The following TCF12 variants were observed in gnomAD, a reference collection of about 807,000 sequenced individuals.
TCF12 encodes transcription factor 12.
In TCF12, 45 loss-of-function variants were observed where a neutral mutation model predicts 86.0. The ratio of observed to expected loss-of-function variants is 0.52; its 90% CI spans 0.41 to 0.67. TCF12 has a LOEUF of 0.67. Among genes scored for constraint, TCF12 ranks in the 30% least tolerant of loss-of-function variants. The pLI, the probability that TCF12 is intolerant of heterozygous loss-of-function variation, is 0.00. For missense variants in TCF12, 881 were observed against 859.9 expected (o/e 1.02, Z -0.31); for synonymous variants, 330 against 299.6 (o/e 1.10, Z -1.05).
intron 5 of TCF12, among the ~76,000 whole-genome samples, chr15:57,099,672 T>C (rs1250490020): frequency 6.6e-6 from 1 of 152,152 alleles, no homozygotes; most frequent in Non-Finnish European, 1.5e-5. Flanking sequence ...TCGTAATCCA[T>C]TAGTGACTTT....
At chr15:56,985,673 T>C (rs1187833980) in intron 3 of TCF12, among the ~76,000 whole-genome samples, 1 of 152,200 alleles carries the variant, frequency 6.6e-6, no homozygotes, top group Non-Finnish European at 1.5e-5. Context: ...AGCTGGTCCT[T>C]AGAGTATATC....
At chr15:57,010,832 C>T (rs2141158758) in intron 3 of TCF12, among the ~76,000 whole-genome samples, 1 of 152,224 alleles carries the variant, frequency 6.6e-6, no homozygotes, top group South Asian at 2.1e-4. Context: ...GGTAAGTCCT[C>T]AGATGTTCTT....
At chr15:57,056,238 T>A (rs2068018340) in intron 3 of TCF12, among the ~76,000 whole-genome samples, 1 of 151,662 alleles carries the variant, frequency 6.6e-6, no homozygotes, top group African/African-American at 2.4e-5. Context: ...CCTCCTGGGT[T>A]CAAGCGATTT....
At chr15:57,208,617 T>TCAAGCGATCCA (rs1422085972) in intron 8 of TCF12, among the ~76,000 whole-genome samples, 2 of 151,550 alleles carry the variant, frequency 1.3e-5, no homozygotes, top group African/African-American at 4.9e-5. Context: ...ACTCCTGGAC[T>TCAAGCGATCCA]CAAGCGATCC....
chr15:56,951,635 T>A (rs1296569279), intron 3 of TCF12, among the ~76,000 whole-genome samples: 1 of 152,162 alleles, frequency 6.6e-6, no homozygotes, highest in Non-Finnish European at 1.5e-5. Context: ...TCACAAATGT[T>A]TTTTCTTATG....
At chr15:56,945,748 T>C (rs543958766) in intron 3 of TCF12, among the ~76,000 whole-genome samples, 1 of 152,328 alleles carries the variant, frequency 6.6e-6, no homozygotes, top group East Asian at 1.9e-4. Context: ...TAATTGCCAT[T>C]GTAATGGTGT....
At chr15:57,116,820 T>C (rs2050871427) in intron 5 of TCF12, among the ~76,000 whole-genome samples, 1 of 152,220 alleles carries the variant, frequency 6.6e-6, no homozygotes, top group South Asian at 2.1e-4. Flanking sequence ...TATAATTTAA[T>C]AGCTGAGAAG....
rs181198808 is a variant in TCF12 at position 57,251,815 on chromosome 15, C to T, written c.1188+392C>T. Among the ~76,000 whole-genome samples the T allele has an allele frequency of 1.0e-3, 158 of 152,178 alleles. 2 individuals are homozygous for T. The highest frequency in any genetic ancestry group is 3.5e-3 in the African/African-American group (145 of 41,514). On this transcript the variant is annotated intron_variant, in intron 14 of 20. Coordinates refer to ENST00000333725, the MANE Select transcript of TCF12 (RefSeq NM_207037.2). ...TTGTATTTTACACTTTCTCATAATA[C>T]TGTGTGTGGTTTATTACATTTCCAT...
chr15:57,119,646 A>G (rs2051091095), intron 5 of TCF12, among the ~76,000 whole-genome samples: 1 of 151,558 alleles, frequency 6.6e-6, no homozygotes, highest in Non-Finnish European at 1.5e-5. Flanking sequence ...AACAGCCCTC[A>G]CTCCATATGG....
At chr15:57,213,078 C>G (rs1394183872) in intron 8 of TCF12, among the ~76,000 whole-genome samples, 1 of 152,200 alleles carries the variant, frequency 6.6e-6, no homozygotes, top group African/African-American at 2.4e-5. Context: ...TTTAGGGACA[C>G]TTGTCATTGT....
In TCF12 at chr15:57,246,936, A is replaced by G. The variant is rs1430517998; in HGVS notation, c.1114+3386A>G. The G allele has an allele frequency of 9.5e-6, 5 of 527,316 alleles. No homozygotes were observed. The Admixed American group carries it at 9.7e-5, about 10-fold the overall frequency. 32.7% of individuals were successfully genotyped at this position (527,316 alleles called of 1,614,324 possible). Reference sequence around the variant, plus strand: ...CTCCTCGTTCTCTCTCCTGCTAAGAACTGTAGCCCTTTTCTGCTGTTTTTA... The same window carrying G: ...CTCCTCGTTCTCTCTCCTGCTAAGAGCTGTAGCCCTTTTCTGCTGTTTTTA... On this transcript the variant is annotated intron_variant, in intron 13 of 20. Coordinates refer to ENST00000333725, the MANE Select transcript of TCF12 (RefSeq NM_207037.2).
chr15:57,055,084 C>A (rs2067906087), intron 3 of TCF12, among the ~76,000 whole-genome samples: 1 of 151,920 alleles, frequency 6.6e-6, no homozygotes, highest in South Asian at 2.1e-4. Context: ...CCCTAGGATG[C>A]AGGTCTTCCT....
chr15:57,243,388 T>C (rs1031298865), intron 12 of TCF12, 84 bp from the exon 13 acceptor site: 11 of 1,240,972 alleles, frequency 8.9e-6, no homozygotes, highest in Middle Eastern at 2.4e-4. Context: ...ACAACTAGAT[T>C]ATAAAAATAA....
intron 3 of TCF12, among the ~76,000 whole-genome samples, chr15:57,002,268 A>G (rs1271737742): frequency 6.6e-6 from 1 of 152,164 alleles, no homozygotes; most frequent in African/African-American, 2.4e-5. Context: ...CCCATGAGAA[A>G]ACAAACACTT....
intron 5 of TCF12, among the ~76,000 whole-genome samples, chr15:57,143,377 G>A (rs1224074320): frequency 1.3e-5 from 2 of 152,086 alleles, no homozygotes; most frequent in African/African-American, 4.8e-5. Context: ...GTAGAGCATC[G>A]TGTCTGCTGC....
At chr15:57,222,758 ATTTTTTTTTTTTT>A (rs57645813) in intron 8 of TCF12, among the ~76,000 whole-genome samples, 7 of 45,522 alleles carry the variant, frequency 1.5e-4, no homozygotes, top group Admixed American at 3.8e-4. Flanking sequence ...AAGGACTGCC[ATTTTTTTTTTTTT>A]TTTTTTTTTT....
chr15:56,977,787 T>C (rs958765646), intron 3 of TCF12, among the ~76,000 whole-genome samples: 2 of 152,172 alleles, frequency 1.3e-5, no homozygotes, highest in Non-Finnish European at 2.9e-5. Flanking sequence ...TTATGTATAC[T>C]GATGTTAGGA....
At chr15:57,046,910 A>G (rs1281169826) in intron 3 of TCF12, among the ~76,000 whole-genome samples, 1 of 152,226 alleles carries the variant, frequency 6.6e-6, no homozygotes, top group Non-Finnish European at 1.5e-5. Context: ...TGAACAATAC[A>G]TAAACTCATA....
At chr15:57,239,268 T>C (rs1031660806) in intron 12 of TCF12, among the ~76,000 whole-genome samples, 1 of 152,058 alleles carries the variant, frequency 6.6e-6, no homozygotes, top group African/African-American at 2.4e-5. Flanking sequence ...GGAGAATCGC[T>C]TGAACCCAGG....
Sources: allele counts gnomAD v4.1 joint callset (sites outside exome capture counted in the v4.1 genomes callset), GRCh38; gene constraint gnomAD v4.1.1; transcripts MANE v1.5; gene names NCBI Gene and HGNC (gene_info 2026-07-23, HGNC 2026-07-21).